Variants in SGCG observed in about 807,000 individuals in gnomAD.
SGCG encodes the protein gamma-sarcoglycan.
A neutral mutation model predicts 29.3 loss-of-function variants in SGCG; 26 were observed. The ratio of observed to expected loss-of-function variants is 0.89; its 90% CI spans 0.65 to 1.23. The LOEUF (loss-of-function observed/expected upper bound fraction) is 1.23. SGCG is among the 50% of genes most tolerant of loss of function. The pLI, the probability that SGCG is intolerant of heterozygous loss-of-function variation, is 0.00. For missense variants in SGCG, 353 were observed against 356.0 expected (o/e 0.99, Z 0.07); for synonymous variants, 145 against 129.7 (o/e 1.12, Z -0.80).
chr13:23,163,800 A>G, the SGCG span, among the ~76,000 whole-genome samples: 4 of 152,202 alleles, frequency 2.6e-5, no homozygotes, highest in Non-Finnish European at 4.4e-5. Context: ...TTTAACTAAA[A>G]TCATATTGAA....
At chr13:23,324,148 C>A (rs1212858209) in intron 7 of SGCG, among the ~76,000 whole-genome samples, 1 of 152,186 alleles carries the variant, frequency 6.6e-6, no homozygotes, top group Non-Finnish European at 1.5e-5. Context: ...AAAGCGCCTC[C>A]CTCCAATGTG....
chr13:23,322,126 C>G (rs1883061352), intron 7 of SGCG, among the ~76,000 whole-genome samples: 1 of 152,176 alleles, frequency 6.6e-6, no homozygotes, highest in Non-Finnish European at 1.5e-5. Flanking sequence ...TAAGCCACTG[C>G]TGCAAGAATT....
chr13:23,235,252 G>A (rs936213729), intron 3 of SGCG, among the ~76,000 whole-genome samples: 1 of 152,016 alleles, frequency 6.6e-6, no homozygotes, highest in African/African-American at 2.4e-5. Flanking sequence ...CCAGCTACTC[G>A]GGAGGCTGAG....
intron 4 of SGCG, among the ~76,000 whole-genome samples, chr13:23,278,627 G>T (rs1441866271): frequency 1.3e-5 from 2 of 152,172 alleles, no homozygotes; most frequent in African/African-American, 2.4e-5. Context: ...TGCGTGTGTA[G>T]CTGAGTGAGT....
chr13:23,211,695 C>T (rs1878218984), intron 2 of SGCG, among the ~76,000 whole-genome samples: 1 of 152,202 alleles, frequency 6.6e-6, no homozygotes. Context: ...TGACCGCAGG[C>T]TGGGCACAGT....
chr13:23,208,212 CAG>C (rs1878053301), intron 2 of SGCG, among the ~76,000 whole-genome samples: 1 of 152,014 alleles, frequency 6.6e-6, no homozygotes, highest in Non-Finnish European at 1.5e-5. Context: ...AGTTGTTAGT[CAG>C]AATATAGGGA....
chr13:23,261,380 A>G (rs1378255828), intron 4 of SGCG, among the ~76,000 whole-genome samples: 1 of 152,090 alleles, frequency 6.6e-6, no homozygotes, highest in African/African-American at 2.4e-5. Context: ...AAGTTTTAAA[A>G]ATAGACTAGT....
intron 4 of SGCG, among the ~76,000 whole-genome samples, chr13:23,261,623 A>G (rs1880441566): frequency 6.6e-6 from 1 of 152,074 alleles, no homozygotes; most frequent in South Asian, 2.1e-4. Flanking sequence ...GCTTTGTTAG[A>G]GATTTAGACA....
chr13:23,189,544 A>G (rs754204067), intron 1 of SGCG, among the ~76,000 whole-genome samples: 1 of 152,234 alleles, frequency 6.6e-6, no homozygotes, highest in Non-Finnish European at 1.5e-5. Context: ...GATATGACCA[A>G]CATGTAGTCC....
At chr13:23,282,234 A>T (rs1027582303) in intron 5 of SGCG, among the ~76,000 whole-genome samples, 1 of 152,170 alleles carries the variant, frequency 6.6e-6, no homozygotes, top group East Asian at 1.9e-4. Flanking sequence ...AAGAGATTCC[A>T]CGGTTTTGAT....
At chr13:23,197,796 T>G (rs969872082) in intron 1 of SGCG, among the ~76,000 whole-genome samples, 4 of 152,122 alleles carry the variant, frequency 2.6e-5, no homozygotes, top group African/African-American at 9.7e-5. Context: ...AATGGTTAAA[T>G]AAGCAATTGC....
the SGCG span, among the ~76,000 whole-genome samples, chr13:23,170,245 C>T: frequency 1.3e-5 from 2 of 152,148 alleles, no homozygotes; most frequent in African/African-American, 2.4e-5. Context: ...AGGAACTGGG[C>T]TGGGTGATAT....
chr13:23,200,362 T>G (rs975141421), intron 1 of SGCG, among the ~76,000 whole-genome samples: 1 of 152,150 alleles, frequency 6.6e-6, no homozygotes, highest in African/African-American at 2.4e-5. Context: ...AGGCGGAGGT[T>G]GCAGTGAGCT....
At chr13:23,256,749 G>A (rs2137578675) in intron 4 of SGCG, among the ~76,000 whole-genome samples, 1 of 152,262 alleles carries the variant, frequency 6.6e-6, no homozygotes, top group South Asian at 2.1e-4. Flanking sequence ...TGGTGTATAT[G>A]TGCCACATTT....
At chr13:23,284,144 G>T (rs370632395) in intron 5 of SGCG, among the ~76,000 whole-genome samples, 2 of 152,254 alleles carry the variant, frequency 1.3e-5, no homozygotes, top group African/African-American at 4.8e-5. Flanking sequence ...GAATTTGAAT[G>T]TTGGCCTGTC....
At chr13:23,164,423 T>C in the SGCG span, among the ~76,000 whole-genome samples, 90,530 of 152,050 alleles carry the variant, frequency 0.6, 28,196 homozygotes, top group African/African-American at 0.79. Context: ...AATTAGGACC[T>C]CATTTAACAC....
intron 2 of SGCG, among the ~76,000 whole-genome samples, chr13:23,228,934 G>A (rs753385827): frequency 2.0e-5 from 3 of 152,150 alleles, no homozygotes; most frequent in Non-Finnish European, 4.4e-5. Flanking sequence ...GCAGTGGCAC[G>A]ATCTTGGCTC....
At chr13:23,248,853 T>C (rs1418600694) in intron 3 of SGCG, among the ~76,000 whole-genome samples, 2 of 150,848 alleles carry the variant, frequency 1.3e-5, no homozygotes, top group South Asian at 2.1e-4. Flanking sequence ...TTAGGGGGCG[T>C]GGTGGCGGGC....
intron 6 of SGCG, among the ~76,000 whole-genome samples, chr13:23,298,309 C>G (rs1401115141): frequency 6.6e-6 from 1 of 152,006 alleles, no homozygotes; most frequent in East Asian, 2.0e-4. Flanking sequence ...TGAGCCAAGA[C>G]CATGCCACTG....
Sources: gnomAD v4.1 joint callset for allele counts (sites outside exome capture counted in the v4.1 genomes callset) on GRCh38, gnomAD v4.1.1 for gene constraint, MANE v1.5 for transcripts, NCBI Gene and HGNC (gene_info 2026-07-23, HGNC 2026-07-21) for gene names.